BRWD1: variants seen among roughly 807,000 people sequenced by gnomAD.
BRWD1 encodes the protein bromodomain and WD repeat domain containing 1, also known as bromodomain and WD repeat-containing protein 1.
In BRWD1, 82 loss-of-function variants were observed where a neutral mutation model predicts 251.2. The observed-to-expected ratio is 0.33, with a 90% CI of 0.27 to 0.39. The LOEUF is 0.39. Among genes scored for constraint, BRWD1 ranks in the 10% least tolerant of loss-of-function variants. BRWD1 has a pLI of 1.00. For missense variants in BRWD1, 2,233 were observed against 2,711.6 expected (o/e 0.82, Z 3.92); for synonymous variants, 918 against 902.8 (o/e 1.02, Z -0.30).
At position 39,194,947 on chromosome 21, in the gene BRWD1, A is replaced by T; in HGVS notation, c.*1312T>A. On this transcript the variant is annotated 3_prime_UTR_variant, in exon 41 of 41. Coordinates refer to ENST00000342449, the MANE Select transcript of BRWD1 (RefSeq NM_033656.4). Reference sequence around the variant, plus strand: ...ATATCCCTTACCCACTAAATATGTAAACCATTTGAATCAAGTCCATCTTCA... The same window carrying T: ...ATATCCCTTACCCACTAAATATGTATACCATTTGAATCAAGTCCATCTTCA... 1 of 1,463,496 alleles carries T rather than the reference A, an allele frequency of 6.8e-7. No individual in the cohort carries two copies. The highest frequency in any genetic ancestry group is 9.0e-7 in the Non-Finnish European group (1 of 1,112,706). The allele number at this position is 1,463,496 out of a possible 1,614,324, so 90.7% of individuals were successfully genotyped here.
chr21:39,316,500 G>A (rs1380602756), upstream of BRWD1, among the ~76,000 whole-genome samples: 1 of 152,180 alleles, frequency 6.6e-6, no homozygotes, highest in Admixed American at 6.5e-5. Context: ...ATTGACCAAG[G>A]AGTTGTGCAT....
In BRWD1 at chr21:39,189,291, CCAGA is replaced by C. The variant is rs2031419961; in HGVS notation, c.*6964_*6967del. 7.1e-6 allele frequency: 7 copies of C among 984,640 alleles called. No homozygotes were observed. The highest frequency in any genetic ancestry group is 8.4e-6 in the Non-Finnish European group (7 of 829,376). The allele number at this position is 984,640 out of a possible 1,614,324, so 61.0% of individuals were successfully genotyped here. On this transcript the variant is annotated 3_prime_UTR_variant, in exon 41 of 41. Transcript: ENST00000342449. Reference sequence around the variant, plus strand: ...GGTTCATTCCCAACAACCTATTCATCCAGACAAATAGATAAAATTCTATTTCAAC... The same window carrying C: ...GGTTCATTCCCAACAACCTATTCATCCAAATAGATAAAATTCTATTTCAAC...
Position 39,280,366 on chromosome 21 carries a change from A to G in BRWD1, c.832-118T>C, listed in dbSNP as rs184753476. On this transcript the variant is annotated intron_variant, in intron 8 of 40. Coordinates refer to ENST00000342449, the MANE Select transcript of BRWD1 (RefSeq NM_033656.4). The stretch of plus-strand genomic sequence containing the variant: ...CAGGAAATAAACACATGAAATCCAA[A>G]ATATAGGTAATACTACCGTAGTGAA... The G allele has an allele frequency of 3.6e-4, 255 of 709,650 alleles. 1 individual carries two copies. In the African/African-American group the frequency reaches 4.1e-3, roughly 11 times the overall value. The allele number at this position is 709,650 out of a possible 1,614,324, so 44.0% of individuals were successfully genotyped here.
chr21:39,194,614 A>G lies in BRWD1; in HGVS notation c.*1645T>C, dbSNP rs190704499. On this transcript the variant is annotated 3_prime_UTR_variant, in exon 41 of 41. Transcript: ENST00000342449. ...CTTCCCCATGCATCAGAGTAGAAAGAAAATGTACCTTCTACTATGTCAAAT... is the reference window on the plus strand; with the variant it reads ...CTTCCCCATGCATCAGAGTAGAAAGGAAATGTACCTTCTACTATGTCAAAT... 364 of 1,517,150 alleles carry G rather than the reference A, an allele frequency of 2.4e-4. 1 individual carries two copies. The African/African-American group carries it at 4.7e-3, about 20-fold the overall frequency. 94.0% of individuals were successfully genotyped at this position (1,517,150 alleles called of 1,614,324 possible). A position where few individuals can be genotyped will look rare whatever the true frequency, so the allele number is the denominator to read the frequency against.
chr21:39,188,166 C>T lies in BRWD1; in HGVS notation c.*8093G>A. The T allele has an allele frequency of 2.0e-6, 2 of 985,396 alleles. No individual in the cohort carries two copies. Among genetic ancestry groups the T allele is most frequent in the Non-Finnish European group, 2.4e-6 (2 of 829,912 alleles). 61.0% of individuals were successfully genotyped at this position (985,396 alleles called of 1,614,324 possible). ...TTCACAAACAAGTCTAATTAGTACT[C>T]TTCTAGAACAGAAGTGATATTCCTT... is the stretch of plus-strand genomic sequence containing the variant. On this transcript the variant is annotated 3_prime_UTR_variant, in exon 41 of 41. Coordinates refer to ENST00000342449, the MANE Select transcript of BRWD1 (RefSeq NM_033656.4).
At chr21:39,227,270 T>C (rs1198719195) in intron 27 of BRWD1, among the ~76,000 whole-genome samples, 1 of 152,218 alleles carries the variant, frequency 6.6e-6, no homozygotes, top group Non-Finnish European at 1.5e-5. Flanking sequence ...TTAGTATTTC[T>C]AACAAAAATC....
chr21:39,277,591 T>C (rs940242825), intron 10 of BRWD1, among the ~76,000 whole-genome samples: 1 of 152,136 alleles, frequency 6.6e-6, no homozygotes, highest in African/African-American at 2.4e-5. Context: ...TGAGACAGAA[T>C]CTCACTCTGT....
At chr21:39,258,985 A>T (rs2034651582) in intron 17 of BRWD1, among the ~76,000 whole-genome samples, 1 of 152,130 alleles carries the variant, frequency 6.6e-6, no homozygotes, top group Non-Finnish European at 1.5e-5. Flanking sequence ...CCCTCACCAT[A>T]CTCGATATAT....
At chr21:39,305,289 G>A (rs2036251173) in intron 4 of BRWD1, among the ~76,000 whole-genome samples, 1 of 152,170 alleles carries the variant, frequency 6.6e-6, no homozygotes, top group Middle Eastern at 3.4e-3. Flanking sequence ...ATCTTTCTCA[G>A]GAATCAATAC....
chr21:39,248,165 G>A lies in BRWD1; in HGVS notation c.2350-333C>T, dbSNP rs145973704. On this transcript the variant is annotated intron_variant, in intron 20 of 40. Coordinates refer to ENST00000342449, the MANE Select transcript of BRWD1 (RefSeq NM_033656.4). ...TCTCAGAAATGAAAAATACATATTC[G>A]TACATTATGATGCAGTAAGCAACTT... Among the ~76,000 whole-genome samples the A allele has an allele frequency of 1.1e-4, 16 of 152,194 alleles. No individual in the cohort carries two copies. In the East Asian group the frequency reaches 1.2e-3, roughly 11 times the overall value.
intron 21 of BRWD1, among the ~76,000 whole-genome samples, chr21:39,242,972 G>A (rs2034053923): frequency 6.6e-6 from 1 of 152,092 alleles, no homozygotes; most frequent in African/African-American, 2.4e-5. Flanking sequence ...CCTCTGATGG[G>A]CACATCAAAG....
rs114873562 is a variant in BRWD1, at chr21:39,202,593, G to A, written c.4365-48C>T. ...GAAACAGTATTTAACAAAATACAAAGATAATTGGTTCACAGAGAATGACTA... is the reference window on the plus strand; with the variant it reads ...GAAACAGTATTTAACAAAATACAAAAATAATTGGTTCACAGAGAATGACTA... On this transcript the variant is annotated intron_variant, in intron 37 of 40. Coordinates refer to ENST00000342449, the MANE Select transcript of BRWD1 (RefSeq NM_033656.4). The A allele has an allele frequency of 1.4e-3, 1,900 of 1,339,756 alleles. 18 individuals are homozygous for A. The African/African-American group carries it at 0.022, about 16-fold the overall frequency. The allele number at this position is 1,339,756 out of a possible 1,614,324, so 83.0% of individuals were successfully genotyped here. A position where few individuals can be genotyped will look rare whatever the true frequency, so the allele number is the denominator to read the frequency against.
rs960380942 is a variant in BRWD1 at position 39,192,222 on chromosome 21, G to T, written c.*4037C>A. The T allele has an allele frequency of 2.0e-6, 2 of 982,820 alleles. No individual in the cohort carries two copies. Among genetic ancestry groups the T allele is most frequent in the African/African-American group, 1.8e-5 (1 of 56,494 alleles). 60.9% of individuals were successfully genotyped at this position (982,820 alleles called of 1,614,324 possible). On this transcript the variant is annotated 3_prime_UTR_variant, in exon 41 of 41. Transcript: ENST00000342449. ...TTAACAGCCTTTAAAACTTAAAATC[G>T]TAAGAAAAGACAACACAGCCCTTAG... is the stretch of plus-strand genomic sequence containing the variant.
At chr21:39,303,241 G>A (rs34578707) in intron 4 of BRWD1, among the ~76,000 whole-genome samples, 38,477 of 151,372 alleles carry the variant, frequency 0.25, 5,894 homozygotes, top group Non-Finnish European at 0.36. Flanking sequence ...TAAAGAGGCC[G>A]GGTGCAGTGA....
At position 39,189,052 on chromosome 21, in the gene BRWD1, A is replaced by G; in HGVS notation, c.*7207T>C. ...CTTGGGAATTTTAAAATTATGAACT[A>G]GTATCTCCAACAAGTCAACCCTATA... On this transcript the variant is annotated 3_prime_UTR_variant, in exon 41 of 41. Coordinates refer to ENST00000342449, the MANE Select transcript of BRWD1 (RefSeq NM_033656.4). 1 of 984,816 alleles carries G rather than the reference A, an allele frequency of 1.0e-6. No homozygotes were observed. The highest frequency in any genetic ancestry group is 1.2e-6 in the Non-Finnish European group (1 of 829,340). 61.0% of individuals were successfully genotyped at this position (984,816 alleles called of 1,614,324 possible).
chr21:39,251,189 C>G (rs748639774), intron 19 of BRWD1, among the ~76,000 whole-genome samples: 1 of 152,068 alleles, frequency 6.6e-6, no homozygotes, highest in Non-Finnish European at 1.5e-5. Context: ...CATGATTTTC[C>G]AAGATTGCAA....
At chr21:39,300,704 C>T (rs921537432) in intron 4 of BRWD1, among the ~76,000 whole-genome samples, 2 of 152,130 alleles carry the variant, frequency 1.3e-5, no homozygotes, top group Non-Finnish European at 2.9e-5. Flanking sequence ...TGATGAGATA[C>T]ACAACAAAGC....
upstream of BRWD1, chr21:39,314,042 G>T (rs113983384): frequency 1.1e-4 from 51 of 455,732 alleles, 3 homozygotes; most frequent in African/African-American, 7.0e-4. Flanking sequence ...CCGAGTCGCG[G>T]GTTGGGCAAG....
At chr21:39,229,248 T>TCATTCAATCAGCAAAA in intron 26 of BRWD1, 64 bp downstream of exon 26, 1 of 1,380,340 alleles carries the variant, frequency 7.2e-7, no homozygotes, top group South Asian at 1.2e-5. Context: ...GGCATGCTAA[T>TCATTCAATCAGCAAAA]CATTCAATCA....
Sources: allele counts gnomAD v4.1 joint callset (sites outside exome capture counted in the v4.1 genomes callset), GRCh38; gene constraint gnomAD v4.1.1; transcripts MANE v1.5; gene names NCBI Gene and HGNC (gene_info 2026-07-23, HGNC 2026-07-21).